Variants in CAST observed in about 807,000 individuals in gnomAD.
CAST encodes MIR583 host.
In CAST, 76 loss-of-function variants were observed where a neutral mutation model predicts 119.6. The ratio of observed to expected loss-of-function variants is 0.64; its 90% confidence interval spans 0.53 to 0.77. The LOEUF (loss-of-function observed/expected upper bound fraction) is 0.77, where lower values mean the gene tolerates loss of function less well. Ranked by LOEUF, CAST falls within the 30% of genes least tolerant of loss-of-function variation. The pLI is 0.00. For synonymous variants in CAST, 319 were observed against 331.6 expected, an observed-to-expected ratio of 0.96 and a Z score of 0.41; for missense variants, 953 against 946.5, an observed-to-expected ratio of 1.01 and a Z score of -0.09.
the CAST span, among the ~76,000 whole-genome samples, chr5:96,401,694 C>A: frequency 6.6e-6 from 1 of 152,130 alleles, no homozygotes; most frequent in South Asian, 2.1e-4. Flanking sequence ...CCTTCCATTG[C>A]ACTTATAGGC....
At chr5:96,309,881 C>A in the CAST span, among the ~76,000 whole-genome samples, 1 of 152,196 alleles carries the variant, frequency 6.6e-6, no homozygotes, top group Admixed American at 6.5e-5. Context: ...AGCTACAGAC[C>A]GGAGCTGTTC....
chr5:96,112,417 T>C, the CAST span, among the ~76,000 whole-genome samples: 9 of 152,142 alleles, frequency 5.9e-5, no homozygotes, highest in Non-Finnish European at 8.8e-5. Flanking sequence ...TGGAACCTAT[T>C]ATATTGTGAT....
the CAST span, among the ~76,000 whole-genome samples, chr5:96,267,249 G>A: frequency 2.0e-5 from 3 of 152,220 alleles, no homozygotes; most frequent in Middle Eastern, 3.4e-3. Context: ...AAAAGGAGTA[G>A]AAAATGATTT....
At chr5:96,567,536 C>G (rs1483744515) in intron 1 of CAST, among the ~76,000 whole-genome samples, 1 of 152,128 alleles carries the variant, frequency 6.6e-6, no homozygotes, top group Non-Finnish European at 1.5e-5. Context: ...ATGCCACTTC[C>G]TCCATAAAGG....
the CAST span, among the ~76,000 whole-genome samples, chr5:96,279,252 T>C: frequency 1.3e-5 from 2 of 152,144 alleles, no homozygotes; most frequent in Non-Finnish European, 2.9e-5. Flanking sequence ...CGAAGGTCAG[T>C]CCAGAGACTT....
At chr5:96,107,844 G>A in the CAST span, among the ~76,000 whole-genome samples, 4 of 152,034 alleles carry the variant, frequency 2.6e-5, no homozygotes, top group Non-Finnish European at 4.4e-5. Flanking sequence ...CATTCTCCCT[G>A]TCACTTTCAG....
chr5:96,437,088 A>G, the CAST span, among the ~76,000 whole-genome samples: 1 of 152,188 alleles, frequency 6.6e-6, no homozygotes, highest in Non-Finnish European at 1.5e-5. Flanking sequence ...AGAAGACCAA[A>G]TATCTTGAGG....
At chr5:96,515,684 G>A in the CAST span, among the ~76,000 whole-genome samples, 4 of 152,122 alleles carry the variant, frequency 2.6e-5, no homozygotes, top group African/African-American at 9.7e-5. Flanking sequence ...CTTGCAGCAA[G>A]GTTTAGTGAA....
At chr5:96,706,958 C>T (rs570297769) in intron 3 of CAST, among the ~76,000 whole-genome samples, 2 of 152,254 alleles carry the variant, frequency 1.3e-5, no homozygotes, top group East Asian at 3.9e-4. Context: ...TGTCAGTCCC[C>T]CAGGCAAGCT....
At chr5:96,381,634 C>T in the CAST span, among the ~76,000 whole-genome samples, 2 of 152,186 alleles carry the variant, frequency 1.3e-5, no homozygotes, top group South Asian at 2.1e-4. Flanking sequence ...TTGAGTATTT[C>T]GCTCATGTGT....
the CAST span, among the ~76,000 whole-genome samples, chr5:96,499,824 G>A: frequency 3.9e-5 from 6 of 152,196 alleles, no homozygotes; most frequent in Non-Finnish European, 5.9e-5. Context: ...CCTAGCTTTC[G>A]GCCCATCTCA....
the CAST span, among the ~76,000 whole-genome samples, chr5:96,430,635 T>C: frequency 6.6e-6 from 1 of 152,238 alleles, no homozygotes; most frequent in African/African-American, 2.4e-5. Flanking sequence ...ATTTTAGTAA[T>C]ATTAAACAAA....
At chr5:96,752,876 C>CAAGACCAACAGTGGGA (rs1311418626) in intron 20 of CAST, among the ~76,000 whole-genome samples, 2 of 151,642 alleles carry the variant, frequency 1.3e-5, no homozygotes, top group African/African-American at 4.8e-5. Flanking sequence ...GTGGGAAATT[C>CAAGACCAACAGTGGGA]ATTGATATTG....
chr5:96,068,331 G>A, the CAST span, among the ~76,000 whole-genome samples: 1 of 152,028 alleles, frequency 6.6e-6, no homozygotes, highest in Non-Finnish European at 1.5e-5. Context: ...CTTGGGTCTT[G>A]TCTAGGAAAA....
chr5:96,365,276 G>A, the CAST span, among the ~76,000 whole-genome samples: 4 of 152,126 alleles, frequency 2.6e-5, no homozygotes, highest in Non-Finnish European at 5.9e-5. Flanking sequence ...AGTGTGATGT[G>A]GTGCTGAGAA....
At chr5:96,549,744 T>C (rs1746090486) in intron 1 of CAST, among the ~76,000 whole-genome samples, 1 of 152,270 alleles carries the variant, frequency 6.6e-6, no homozygotes, top group African/African-American at 2.4e-5. Flanking sequence ...TATCCCCTTC[T>C]GTGCCTGTCT....
intron 1 of CAST, among the ~76,000 whole-genome samples, chr5:96,671,924 G>T (rs1750128919): frequency 6.6e-6 from 1 of 152,146 alleles, no homozygotes. Context: ...ATTATTTCAT[G>T]AATCTCTCTC....
chr5:96,177,533 A>G, the CAST span, among the ~76,000 whole-genome samples: 2 of 152,218 alleles, frequency 1.3e-5, no homozygotes, highest in Non-Finnish European at 2.9e-5. Flanking sequence ...AGCAAGCTGA[A>G]TATGTGCATG....
At chr5:96,757,391 C>CA in intron 22 of CAST, 53 bp from the exon 23 acceptor site, 1 of 1,513,256 alleles carries the variant, frequency 6.6e-7, no homozygotes, top group Non-Finnish European at 9.2e-7. Flanking sequence ...AGGTTTCATA[C>CA]TTTGGATAAA....
Sources: allele counts gnomAD v4.1 joint callset (sites outside exome capture counted in the v4.1 genomes callset), GRCh38; gene constraint gnomAD v4.1.1; transcripts MANE v1.5; gene names NCBI Gene and HGNC (gene_info 2026-07-23, HGNC 2026-07-21).